COLGALT2: variants seen among roughly 807,000 people sequenced by gnomAD.
COLGALT2 encodes collagen beta(1-O)galactosyltransferase 2.
COLGALT2 carries 49 observed loss-of-function variants against 73.4 expected under a neutral mutation model. That is an observed-to-expected ratio of 0.67 (90% CI 0.53 to 0.85). The LOEUF (loss-of-function observed/expected upper bound fraction) is 0.85. Among genes scored for constraint, COLGALT2 ranks in the 40% least tolerant of loss-of-function variants. COLGALT2 has a pLI of 0.00. For missense variants in COLGALT2, 722 were observed against 790.2 expected, an observed-to-expected ratio of 0.91 and a Z score of 1.03; for synonymous variants, 295 against 307.6, an observed-to-expected ratio of 0.96 and a Z score of 0.43.
intron 1 of COLGALT2, among the ~76,000 whole-genome samples, chr1:184,017,779 T>G (rs372138708): frequency 7.2e-5 from 11 of 152,170 alleles, no homozygotes; most frequent in Admixed American, 2.6e-4. Context: ...GTTAACCACT[T>G]CTGGGCCTGG....
chr1:184,032,651 G>A (rs1231197930), intron 1 of COLGALT2, among the ~76,000 whole-genome samples: 2 of 152,180 alleles, frequency 1.3e-5, no homozygotes, highest in African/African-American at 4.8e-5. Flanking sequence ...AGGGGCCTAA[G>A]GCATCATCTG....
chr1:183,935,812 G>A (rs984675713), downstream of COLGALT2: 9 of 979,082 alleles, frequency 9.2e-6, no homozygotes, highest in East Asian at 1.1e-4. Flanking sequence ...CAGTGCCTGC[G>A]GAAGCAATTG....
chr1:184,011,197 G>C (rs139989431), intron 1 of COLGALT2, among the ~76,000 whole-genome samples: 51 of 152,236 alleles, frequency 3.4e-4, no homozygotes, highest in Admixed American at 1.2e-3. Flanking sequence ...TCCCTACCTA[G>C]AGTCAAGCAC....
chr1:184,013,086 G>A (rs564886317), intron 1 of COLGALT2, among the ~76,000 whole-genome samples: 13 of 152,330 alleles, frequency 8.5e-5, no homozygotes, highest in East Asian at 3.9e-4. Context: ...AGGCCAAGGC[G>A]GGTGGATCAT....
chr1:183,964,322 G>A (rs994977746), intron 5 of COLGALT2: 3 of 383,064 alleles, frequency 7.8e-6, no homozygotes, highest in Middle Eastern at 6.7e-4. Flanking sequence ...AGGATCAAAA[G>A]GGAGGCAAGG....
intron 1 of COLGALT2, among the ~76,000 whole-genome samples, chr1:183,998,094 T>C (rs1176856382): frequency 6.6e-6 from 1 of 152,322 alleles, no homozygotes; most frequent in East Asian, 1.9e-4. Flanking sequence ...GTCTTCAAAG[T>C]AGTTGCACCA....
intron 1 of COLGALT2, among the ~76,000 whole-genome samples, chr1:184,006,939 G>C (rs1027915583): frequency 6.6e-6 from 1 of 152,340 alleles, no homozygotes; most frequent in East Asian, 1.9e-4. Flanking sequence ...TTAGTTATCT[G>C]TGATGAGTGA....
intron 1 of COLGALT2, among the ~76,000 whole-genome samples, chr1:183,988,888 T>C (rs953907102): frequency 3.3e-5 from 5 of 152,142 alleles, no homozygotes; most frequent in African/African-American, 4.8e-5. Flanking sequence ...AAGAATAAAA[T>C]TTATTTTATT....
intron 1 of COLGALT2, among the ~76,000 whole-genome samples, chr1:183,979,062 G>A (rs919350246): frequency 1.2e-4 from 18 of 152,088 alleles, no homozygotes; most frequent in Admixed American, 3.3e-4. Flanking sequence ...CAAAATTTAA[G>A]GTATGTTCAA....
intron 1 of COLGALT2, among the ~76,000 whole-genome samples, chr1:184,032,827 A>G (rs1240938817): frequency 1.3e-5 from 2 of 152,260 alleles, no homozygotes; most frequent in African/African-American, 2.4e-5. Flanking sequence ...TAGTATTTCT[A>G]GTTAAACAAT....
rs866558875 is a variant in COLGALT2 at position 183,996,354 on chromosome 1, T to C, written c.264-17834A>G. On this transcript the variant is annotated intron_variant, in intron 1 of 11. Transcript: ENST00000361927. ...GAATCCTTAGAAGCTGGAATTCCCA[T>C]CTAAAGACAAGGCGATTTAAAGGTG... is the stretch of plus-strand genomic sequence containing the variant. 5.3e-5 allele frequency among the ~76,000 whole-genome samples: 8 copies of C among 152,188 alleles called. No homozygotes were observed. The South Asian group carries it at 1.4e-3, about 28-fold the overall frequency.
chr1:184,010,477 A>C (rs1409804), intron 1 of COLGALT2, among the ~76,000 whole-genome samples: 29,232 of 152,086 alleles, frequency 0.19, 5,034 homozygotes, highest in African/African-American at 0.46. Context: ...CTTGAAAGGC[A>C]CAGAGGGGCA....
At chr1:183,981,629 C>T (rs182233759) in intron 1 of COLGALT2, among the ~76,000 whole-genome samples, 10 of 152,256 alleles carry the variant, frequency 6.6e-5, no homozygotes, top group African/African-American at 2.4e-4. Context: ...TGCACTGCAG[C>T]CTGGGTGATA....
At chr1:183,948,945 C>T (rs1670320173) in intron 8 of COLGALT2, among the ~76,000 whole-genome samples, 1 of 152,024 alleles carries the variant, frequency 6.6e-6, no homozygotes, top group African/African-American at 2.4e-5. Flanking sequence ...TAGCAATGAA[C>T]AATCTGAAAA....
At chr1:183,968,714 C>G (rs1241633518) in intron 5 of COLGALT2, among the ~76,000 whole-genome samples, 4 of 152,144 alleles carry the variant, frequency 2.6e-5, no homozygotes, top group Non-Finnish European at 4.4e-5. Context: ...GTTGTTTCTG[C>G]CTTGCTGGCT....
In COLGALT2 at chr1:184,037,546, C is replaced by T; in HGVS notation, c.-189G>A. 1.2e-5 allele frequency: 13 copies of T among 1,126,536 alleles called. No individual in the cohort carries two copies. Among genetic ancestry groups the T allele is most frequent in the Non-Finnish European group, 1.3e-5 (12 of 922,012 alleles). 69.8% of individuals were successfully genotyped at this position (1,126,536 alleles called of 1,614,324 possible). A position where few individuals can be genotyped will look rare whatever the true frequency, so the allele number is the denominator to read the frequency against. On this transcript the variant is annotated 5_prime_UTR_variant, in exon 1 of 12. Coordinates refer to ENST00000361927, the MANE Select transcript of COLGALT2 (RefSeq NM_015101.4). ...TCCCAGGACCCTCCCGCCGCCGCTG[C>T]ACCGCCCAGGCCCCAGTGCGGGTGC...
intron 1 of COLGALT2, among the ~76,000 whole-genome samples, chr1:184,018,568 A>G (rs561546052): frequency 4.4e-4 from 67 of 152,350 alleles, no homozygotes; most frequent in Non-Finnish European, 9.1e-4. Flanking sequence ...TTTTATTCAT[A>G]GGAAATTTTT....
chr1:183,932,682 G>A (rs537562197), downstream of COLGALT2, among the ~76,000 whole-genome samples: 15 of 152,254 alleles, frequency 9.9e-5, no homozygotes, highest in East Asian at 1.2e-3. Context: ...TGGGCCCGGC[G>A]CAGCCTCCCT....
chr1:184,035,747 G>A (rs1189336385), intron 1 of COLGALT2, among the ~76,000 whole-genome samples: 1 of 152,072 alleles, frequency 6.6e-6, no homozygotes, highest in African/African-American at 2.4e-5. Context: ...TAACTGATAT[G>A]TGTGAATTTC....
Sources: gnomAD v4.1 joint callset for allele counts (sites outside exome capture counted in the v4.1 genomes callset) on GRCh38, gnomAD v4.1.1 for gene constraint, MANE v1.5 for transcripts, NCBI Gene and HGNC (gene_info 2026-07-23, HGNC 2026-07-21) for gene names.